The following KLF12 variants were observed in gnomAD, a reference collection of about 807,000 sequenced individuals.
KLF12 encodes the protein Krueppel-like factor 12.
In KLF12, 9 loss-of-function variants were observed where a neutral mutation model predicts 37.8. The observed-to-expected ratio is 0.24, with a 90% CI of 0.14 to 0.42. The LOEUF is 0.42. Among genes scored for constraint, KLF12 ranks in the 10% least tolerant of loss-of-function variants. KLF12 has a pLI of 1.00. For synonymous variants in KLF12, 208 were observed against 202.1 expected (o/e 1.03, Z -0.25); for missense variants, 411 against 516.0 (o/e 0.80, Z 1.97).
Position 74,027,682 on chromosome 13 carries a change from G to A in KLF12, c.-31-32629C>T, listed in dbSNP as rs918264325. 4.6e-5 allele frequency among the ~76,000 whole-genome samples: 7 copies of A among 152,216 alleles called. No homozygotes were observed. The East Asian group carries it at 9.6e-4, about 21-fold the overall frequency. On this transcript the variant is annotated intron_variant, in intron 1 of 7. Transcript: ENST00000377669. ...AGATACTTAAGAGTTTAAAGTAGAT[G>A]GCACATTAAGAAATCAGCAATTGAA...
At chr13:73,996,375 C>T (rs187642723) in intron 1 of KLF12, among the ~76,000 whole-genome samples, 10 of 152,336 alleles carry the variant, frequency 6.6e-5, no homozygotes, top group Non-Finnish European at 1.2e-4. Flanking sequence ...ACACAGTGTT[C>T]TCAAAGATGT....
chr13:74,002,699 C>T (rs1892312086), intron 1 of KLF12, among the ~76,000 whole-genome samples: 1 of 152,188 alleles, frequency 6.6e-6, no homozygotes, highest in East Asian at 1.9e-4. Context: ...AAAACGACTC[C>T]TTTAAAAATG....
intron 3 of KLF12, among the ~76,000 whole-genome samples, chr13:73,903,200 T>C (rs987715150): frequency 7.9e-5 from 12 of 152,230 alleles, no homozygotes; most frequent in African/African-American, 2.9e-4. Context: ...TAAGCAATGC[T>C]GGTTTTTTTT....
the KLF12 span, among the ~76,000 whole-genome samples, chr13:74,229,743 G>A: frequency 4.6e-5 from 7 of 152,212 alleles, no homozygotes; most frequent in East Asian, 7.7e-4. Flanking sequence ...GGCCTGCACC[G>A]GAATAAGCTA....
At chr13:74,260,604 A>G in the KLF12 span, among the ~76,000 whole-genome samples, 1 of 114,870 alleles carries the variant, frequency 8.7e-6, no homozygotes, top group South Asian at 2.8e-4. Flanking sequence ...AAAATAAAAT[A>G]AAATAAAATA....
intron 1 of KLF12, among the ~76,000 whole-genome samples, chr13:74,047,481 C>T (rs1225542973): frequency 1.3e-5 from 2 of 151,540 alleles, no homozygotes; most frequent in Non-Finnish European, 2.9e-5. Context: ...CTTGTAGTCC[C>T]AGCTACTCGG....
chr13:73,992,050 G>T (rs188583252), intron 2 of KLF12, among the ~76,000 whole-genome samples: 1 of 152,332 alleles, frequency 6.6e-6, no homozygotes, highest in East Asian at 1.9e-4. Flanking sequence ...GTTCATCAGA[G>T]GTAGTCGCAA....
intron 5 of KLF12, among the ~76,000 whole-genome samples, chr13:73,786,225 C>T (rs1881334831): frequency 6.6e-6 from 1 of 152,202 alleles, no homozygotes; most frequent in African/African-American, 2.4e-5. Flanking sequence ...TCTGGCTGCT[C>T]TGCTGGCATA....
At chr13:73,700,985 G>A (rs1383157404) in intron 7 of KLF12, among the ~76,000 whole-genome samples, 2 of 152,208 alleles carry the variant, frequency 1.3e-5, no homozygotes, top group Non-Finnish European at 2.9e-5. Flanking sequence ...AAGATATCCA[G>A]TAGTATGTGT....
intron 1 of KLF12, among the ~76,000 whole-genome samples, chr13:74,022,867 T>G (rs1249486382): frequency 2.7e-5 from 4 of 147,482 alleles, no homozygotes; most frequent in Non-Finnish European, 4.5e-5. Context: ...CATCCATCCA[T>G]CCACTGTGGA....
intron 1 of KLF12, among the ~76,000 whole-genome samples, chr13:74,046,337 T>C (rs1248090098): frequency 6.6e-6 from 1 of 152,140 alleles, no homozygotes; most frequent in African/African-American, 2.4e-5. Context: ...TTTTTAAAAA[T>C]TCCTGCCTTG....
Position 74,105,359 on chromosome 13 carries a change from CT to C in KLF12, c.-32+28379del, listed in dbSNP as rs549908506. 2.6e-5 allele frequency among the ~76,000 whole-genome samples: 4 copies of C among 152,064 alleles called. No individual in the cohort carries two copies. The South Asian group carries it at 6.2e-4, about 24-fold the overall frequency. Reference sequence around the variant, plus strand: ...TCCCTAACTTGATTGTAGACTATTTCTTTAAATAAATTTTTAAAAAATATTA... The same window carrying C: ...TCCCTAACTTGATTGTAGACTATTTCTTAAATAAATTTTTAAAAAATATTA... On this transcript the variant is annotated intron_variant, in intron 1 of 7. Transcript: ENST00000377669.
Position 73,995,048 on chromosome 13 carries a change from T to C in KLF12, c.-26A>G, listed in dbSNP as rs777580296. 4.4e-6 allele frequency: 7 copies of C among 1,599,266 alleles called. No individual in the cohort carries two copies. In the South Asian group the frequency reaches 6.8e-5, roughly 15 times the overall value. On this transcript the variant is annotated 5_prime_UTR_variant, in exon 2 of 8. An upstream start codon of the reference 5' UTR is lost. Coordinates refer to ENST00000377669, the MANE Select transcript of KLF12 (RefSeq NM_007249.5). ...TCATCCATTTGTTCTTAGAGTCACA[T>C]TGATCCTGCAAGAAAAACACAAAGA...
intron 2 of KLF12, among the ~76,000 whole-genome samples, chr13:73,959,430 C>A (rs992504883): frequency 1.1e-4 from 16 of 151,680 alleles, no homozygotes; most frequent in African/African-American, 3.4e-4. Flanking sequence ...AGAGGAAAAT[C>A]TTGGCAATTG....
intron 3 of KLF12, among the ~76,000 whole-genome samples, chr13:73,870,512 G>A (rs576378758): frequency 7.9e-5 from 12 of 152,130 alleles, no homozygotes; most frequent in Admixed American, 1.3e-4. Flanking sequence ...AATCTTAAAA[G>A]TACTTAAAGG....
chr13:74,198,676 T>C, the KLF12 span, among the ~76,000 whole-genome samples: 1 of 152,208 alleles, frequency 6.6e-6, no homozygotes, highest in Non-Finnish European at 1.5e-5. Flanking sequence ...ACAAAAATGT[T>C]GATCTGTAAT....
At chr13:73,738,855 A>C (rs1877729735) in intron 6 of KLF12, among the ~76,000 whole-genome samples, 1 of 152,178 alleles carries the variant, frequency 6.6e-6, no homozygotes, top group Admixed American at 6.5e-5. Flanking sequence ...CAGTCAGATT[A>C]CCAGGCCCCA....
At chr13:73,952,667 G>A (rs746917459) in intron 2 of KLF12, among the ~76,000 whole-genome samples, 18 of 152,130 alleles carry the variant, frequency 1.2e-4, no homozygotes, top group Non-Finnish European at 1.6e-4. Flanking sequence ...TGAACAAGAC[G>A]GAAAGGCTCC....
At chr13:73,902,128 A>T (rs1184712368) in intron 3 of KLF12, among the ~76,000 whole-genome samples, 1 of 152,238 alleles carries the variant, frequency 6.6e-6, no homozygotes, top group African/African-American at 2.4e-5. Context: ...TTTAAAAAGG[A>T]AAAGAACAAA....
Sources: allele counts gnomAD v4.1 joint callset (sites outside exome capture counted in the v4.1 genomes callset), GRCh38; gene constraint gnomAD v4.1.1; transcripts MANE v1.5; gene names NCBI Gene and HGNC (gene_info 2026-07-23, HGNC 2026-07-21).